Variants in HYDIN observed in about 807,000 individuals in gnomAD.
HYDIN encodes HYDIN axonemal central pair apparatus protein.
HYDIN carries 132 observed loss-of-function variants against 403.9 expected under a neutral mutation model. The observed-to-expected ratio is 0.33, with a 90% CI of 0.28 to 0.38. The LOEUF is 0.38. Ranked by LOEUF, HYDIN falls within the 10% of genes least tolerant of loss-of-function variation. The pLI is 1.00. For missense variants in HYDIN, 2,827 were observed against 5,009.5 expected, an observed-to-expected ratio of 0.56 and a Z score of 13.15; for synonymous variants, 1,202 against 1,891.7, an observed-to-expected ratio of 0.64 and a Z score of 9.46.
At chr16:71,107,448 T>A (rs1211264684) in intron 10 of HYDIN, among the ~76,000 whole-genome samples, 1 of 150,838 alleles carries the variant, frequency 6.6e-6, no homozygotes, top group Non-Finnish European at 1.5e-5. Context: ...AAATCCAGCA[T>A]CTATAAGGAA....
chr16:70,824,838 T>C (rs2036489866), intron 83 of HYDIN, among the ~76,000 whole-genome samples: 1 of 152,150 alleles, frequency 6.6e-6, no homozygotes, highest in Non-Finnish European at 1.5e-5. Flanking sequence ...TTTGTGCATA[T>C]GGGTGGGTTA....
At chr16:71,150,980 A>G (rs1257023538) in intron 7 of HYDIN, among the ~76,000 whole-genome samples, 2 of 152,240 alleles carry the variant, frequency 1.3e-5, no homozygotes, top group African/African-American at 4.8e-5. Context: ...CATGAAAATT[A>G]AAACCACTGA....
At chr16:70,909,141 G>A (rs2076619104) in intron 47 of HYDIN, among the ~76,000 whole-genome samples, 1 of 151,294 alleles carries the variant, frequency 6.6e-6, no homozygotes, top group Non-Finnish European at 1.5e-5. Flanking sequence ...GGACAGCGGG[G>A]ATTGTAGCCT....
chr16:71,222,281 A>T (rs2040838460), intron 1 of HYDIN, among the ~76,000 whole-genome samples: 1 of 152,378 alleles, frequency 6.6e-6, no homozygotes, highest in South Asian at 2.1e-4. Flanking sequence ...GAAAAAATCC[A>T]GCACCCCTTT....
At chr16:71,048,648 T>G (rs1014091943) in intron 18 of HYDIN, among the ~76,000 whole-genome samples, 10 of 151,530 alleles carry the variant, frequency 6.6e-5, no homozygotes, top group Non-Finnish European at 1.3e-4. Flanking sequence ...AAATACCACA[T>G]GTAAGTGGGA....
chr16:70,985,148 T>G, intron 28 of HYDIN, 37 bp downstream of exon 28: 1 of 1,605,512 alleles, frequency 6.2e-7, no homozygotes, highest in Non-Finnish European at 8.5e-7. Flanking sequence ...GTGGGGCTCG[T>G]AGGTTTGAAT....
intron 1 of HYDIN, among the ~76,000 whole-genome samples, chr16:71,217,889 T>A (rs2088974933): frequency 6.6e-6 from 1 of 152,166 alleles, no homozygotes; most frequent in South Asian, 2.1e-4. Flanking sequence ...CAAAGCCACA[T>A]ATTAACTGGT....
At chr16:70,922,450 TACAC>T (rs1482551745) in intron 45 of HYDIN, among the ~76,000 whole-genome samples, 1 of 152,032 alleles carries the variant, frequency 6.6e-6, no homozygotes, top group Non-Finnish European at 1.5e-5. Flanking sequence ...AGAAAGAAAA[TACAC>T]ACACTATTCA....
At chr16:71,116,123 A>G (rs1260252789) in intron 9 of HYDIN, among the ~76,000 whole-genome samples, 4 of 152,026 alleles carry the variant, frequency 2.6e-5, no homozygotes, top group African/African-American at 7.3e-5. Flanking sequence ...ACTTATAACT[A>G]CAAGTTTGTA....
chr16:71,056,127 G>GTTTTTTTT (rs57845299), intron 18 of HYDIN, among the ~76,000 whole-genome samples: 1 of 106,252 alleles, frequency 9.4e-6, no homozygotes, highest in African/African-American at 3.6e-5. Context: ...TCTGAGATTT[G>GTTTTTTTT]TTTTTTTTTT....
intron 7 of HYDIN, among the ~76,000 whole-genome samples, chr16:71,138,923 A>C (rs1275987668): frequency 6.6e-6 from 1 of 151,900 alleles, no homozygotes; most frequent in Non-Finnish European, 1.5e-5. Flanking sequence ...ATCTCTACTA[A>C]AAAATACAAA....
intron 65 of HYDIN, among the ~76,000 whole-genome samples, chr16:70,871,410 C>T (rs1029572610): frequency 6.6e-6 from 1 of 152,086 alleles, no homozygotes; most frequent in Non-Finnish European, 1.5e-5. Context: ...AATGAACTAT[C>T]TACAAAAAGC....
At chr16:71,053,850 A>G (rs576540992) in intron 18 of HYDIN, among the ~76,000 whole-genome samples, 9 of 152,276 alleles carry the variant, frequency 5.9e-5, no homozygotes, top group Non-Finnish European at 1.0e-4. Context: ...TAATTTTTGT[A>G]TCAAGTATAT....
At chr16:70,964,382 C>T (rs561263664) in intron 37 of HYDIN, among the ~76,000 whole-genome samples, 1 of 150,476 alleles carries the variant, frequency 6.6e-6, no homozygotes, top group South Asian at 2.2e-4. Context: ...CTGATTCTGC[C>T]ACTTAAAACT....
intron 12 of HYDIN, among the ~76,000 whole-genome samples, chr16:71,086,043 T>G (rs2144357600): frequency 6.6e-6 from 1 of 152,336 alleles, no homozygotes; most frequent in Non-Finnish European, 1.5e-5. Flanking sequence ...GCTACTTATT[T>G]TCTATATGTC....
At chr16:71,022,626 G>A (rs2080538757) in intron 21 of HYDIN, among the ~76,000 whole-genome samples, 1 of 151,564 alleles carries the variant, frequency 6.6e-6, no homozygotes, top group South Asian at 2.1e-4. Flanking sequence ...CAAGTCTCTT[G>A]CATATGCTGG....
intron 47 of HYDIN, among the ~76,000 whole-genome samples, chr16:70,914,470 T>A (rs1031284357): frequency 4.7e-5 from 7 of 149,106 alleles, no homozygotes; most frequent in African/African-American, 1.5e-4. Flanking sequence ...AGGGCCCCAA[T>A]CCCTTCTATC....
chr16:71,115,673 T>C (rs769253985), intron 10 of HYDIN, 23 bp downstream of exon 10: 6 of 853,814 alleles, frequency 7.0e-6, no homozygotes, highest in Non-Finnish European at 1.2e-5. Context: ...AACCTGAGTT[T>C]ACCACTTGGA....
rs1261772355 is a variant in HYDIN at position 70,802,229 on chromosome 16, T to A, written c.*5351A>T. On this transcript the variant is annotated 3_prime_UTR_variant, in exon 86 of 86. Transcript: ENST00000393567. ...AGAATTCTAGGATGACCTCCAATAT[T>A]CCCACCCCTTCGTGTTCATGCCCTG... is the stretch of plus-strand genomic sequence containing the variant. 6.6e-6 allele frequency: 1 copy of A among 152,130 alleles called. No homozygotes were observed. The highest frequency in any genetic ancestry group is 1.5e-5 in the Non-Finnish European group (1 of 68,016). The allele number at this position is 152,130 out of a possible 1,614,324, so 9.4% of individuals were successfully genotyped here.
Sources: allele counts gnomAD v4.1 joint callset (sites outside exome capture counted in the v4.1 genomes callset), GRCh38; gene constraint gnomAD v4.1.1; transcripts MANE v1.5; gene names NCBI Gene and HGNC (gene_info 2026-07-23, HGNC 2026-07-21).